Variants in DCAF10 observed in about 807,000 individuals in gnomAD.
The protein encoded by DCAF10 is DDB1- and CUL4-associated factor 10.
A neutral mutation model predicts 51.9 loss-of-function variants in DCAF10; 19 were observed. The ratio of observed to expected loss-of-function variants is 0.37; its 90% confidence interval spans 0.26 to 0.54. The LOEUF (loss-of-function observed/expected upper bound fraction) is 0.54. Ranked by LOEUF, DCAF10 falls within the 20% of genes least tolerant of loss-of-function variation. The pLI is 0.87. For missense variants in DCAF10, 510 were observed against 730.6 expected, an observed-to-expected ratio of 0.70 and a Z score of 3.48; for synonymous variants, 291 against 297.1, an observed-to-expected ratio of 0.98 and a Z score of 0.21.
intron 2 of DCAF10, among the ~76,000 whole-genome samples, chr9:37,836,614 G>C (rs1830172623): frequency 6.8e-6 from 1 of 146,482 alleles, no homozygotes; most frequent in Non-Finnish European, 1.5e-5. Context: ...TTTCAGTTCT[G>C]ATTTCAACAA....
chr9:37,814,109 TATATATATATATATATATTTG>T (rs1218076743), intron 1 of DCAF10, among the ~76,000 whole-genome samples: 6 of 111,954 alleles, frequency 5.4e-5, no homozygotes, highest in Admixed American at 1.8e-4. Context: ...TATATATATA[TATATATATATATATATATTTG>T]TTGTTGTTGT....
chr9:37,814,517 T>G (rs1829471299), intron 1 of DCAF10, among the ~76,000 whole-genome samples: 1 of 150,952 alleles, frequency 6.6e-6, no homozygotes, highest in Non-Finnish European at 1.5e-5. Context: ...TGGGCTCAAG[T>G]GATCCTCCTG....
Position 37,863,523 on chromosome 9 carries a change from A to AAGTT in DCAF10, c.*2019_*2022dup, listed in dbSNP as rs1407211083. 2 of 152,074 alleles carry AAGTT rather than the reference A, an allele frequency of 1.3e-5. No homozygotes were observed. Among genetic ancestry groups the AAGTT allele is most frequent in the African/African-American group, 4.8e-5 (2 of 41,400 alleles). 9.4% of individuals were successfully genotyped at this position (152,074 alleles called of 1,614,324 possible). A position where few individuals can be genotyped will look rare whatever the true frequency, so the allele number is the denominator to read the frequency against. ...ATGACTTGCCTAAGGTCATCCTGCA[A>AAGTT]AGTTAGTGGCAGAGTTAGGACTTGA... On this transcript the variant is annotated 3_prime_UTR_variant, in exon 7 of 7. Coordinates refer to ENST00000377724, the MANE Select transcript of DCAF10 (RefSeq NM_024345.5).
chr9:37,832,706 TAA>T (rs1221602446), intron 2 of DCAF10, among the ~76,000 whole-genome samples: 1 of 152,088 alleles, frequency 6.6e-6, no homozygotes, highest in Non-Finnish European at 1.5e-5. Context: ...ATCATAGAAT[TAA>T]GAGTAGTGAT....
chr9:37,841,267 G>A (rs1307058357), intron 2 of DCAF10, among the ~76,000 whole-genome samples: 2 of 152,176 alleles, frequency 1.3e-5, no homozygotes, highest in African/African-American at 4.8e-5. Flanking sequence ...TATTGAGGTT[G>A]ATTTCTGACA....
In DCAF10 at chr9:37,861,027, T is replaced by C. The variant is rs563583704; in HGVS notation, c.1312-113T>C. 614 of 1,419,714 alleles carry C rather than the reference T, an allele frequency of 4.3e-4. No individual in the cohort carries two copies. The highest frequency in any genetic ancestry group is 5.4e-4 in the Non-Finnish European group (578 of 1,062,880). 87.9% of individuals were successfully genotyped at this position (1,419,714 alleles called of 1,614,324 possible). ...GGGGATAGCATTATTCTGAGTGATT[T>C]CTTGTAAAAATTCTGTGGCTTTGGC... On this transcript the variant is annotated intron_variant, in intron 6 of 6. Transcript: ENST00000377724. This position sits in a 1 kb window ranked among gnomAD's most constrained non-coding sequence, Gnocchi z 4.9.
At chr9:37,837,801 A>C (rs1319730182) in intron 2 of DCAF10, among the ~76,000 whole-genome samples, 5 of 151,498 alleles carry the variant, frequency 3.3e-5, no homozygotes, top group Non-Finnish European at 5.9e-5. Context: ...TTTTCCTGAC[A>C]TGCTATCAGG....
chr9:37,856,183 A>T (rs142149010), intron 4 of DCAF10, among the ~76,000 whole-genome samples: 249 of 152,270 alleles, frequency 1.6e-3, no homozygotes, highest in African/African-American at 5.8e-3. Context: ...AAAAGGTTGG[A>T]ATCTTTCTCC....
In DCAF10 at chr9:37,850,881, T is replaced by TATATATAA. The variant is rs1554689977; in HGVS notation, c.852-3898_852-3897insTATATAAA. On this transcript the variant is annotated intron_variant, in intron 3 of 6. Transcript: ENST00000377724. ...ATATATATATATATATATATATATA[T>TATATATAA]AAATTAGCTTGATTTAGCCATTCCA... 2.7e-4 allele frequency among the ~76,000 whole-genome samples: 28 copies of TATATATAA among 103,942 alleles called. 1 individual carries two copies. Among genetic ancestry groups the TATATATAA allele is most frequent in the Admixed American group, 1.2e-3 (11 of 9,148 alleles). The allele number at this position is 103,942 out of a possible 152,430, so 68.2% of individuals were successfully genotyped here.
At chr9:37,822,900 C>T (rs757863743) in intron 2 of DCAF10, among the ~76,000 whole-genome samples, 2 of 152,092 alleles carry the variant, frequency 1.3e-5, no homozygotes, top group African/African-American at 2.4e-5. Flanking sequence ...CCCAGGAGTT[C>T]AAGGCAGCAG....
intron 2 of DCAF10, among the ~76,000 whole-genome samples, chr9:37,827,195 C>T (rs918233450): frequency 4.6e-5 from 7 of 151,878 alleles, no homozygotes; most frequent in African/African-American, 1.5e-4. Context: ...AAAATCCTTG[C>T]GTAAATGGGT....
In DCAF10 at chr9:37,848,352, G is replaced by A. The variant is rs562850061; in HGVS notation, c.851+6066G>A. On this transcript the variant is annotated intron_variant, in intron 3 of 6. Transcript: ENST00000377724. The stretch of plus-strand genomic sequence containing the variant: ...CAAGTGGTAAATAGATAAACAAAAT[G>A]TGGTGGATGTATGCAACAGAATTCT... 3.1e-4 allele frequency among the ~76,000 whole-genome samples: 47 copies of A among 152,300 alleles called. No individual in the cohort carries two copies. The South Asian group carries it at 6.6e-3, about 21-fold the overall frequency.
At position 37,801,058 on chromosome 9, in the gene DCAF10, G is replaced by T; in HGVS notation, c.192G>T (p.Pro64=). 2 of 1,533,254 alleles carry T rather than the reference G, an allele frequency of 1.3e-6. No individual in the cohort carries two copies. The highest frequency in any genetic ancestry group is 2.6e-5 in the East Asian group (1 of 39,116). 95.0% of individuals were successfully genotyped at this position (1,533,254 alleles called of 1,614,324 possible). A position where few individuals can be genotyped will look rare whatever the true frequency, so the allele number is the denominator to read the frequency against. Residue 64 remains proline (P), a synonymous_variant, in exon 1 of 7, where the codon CCG becomes CCT. Coordinates refer to ENST00000377724, the MANE Select transcript of DCAF10 (RefSeq NM_024345.5). This position sits in a 1 kb window ranked among gnomAD's most constrained non-coding sequence, Gnocchi z 5.5. ...GCCCCGGCGCCCCATCGCTGTCCCC[G>T]GCCCCGCGCTCCGGAGAGCTAGGGC... ...PRRPGAPSLS[P]APRSGELGLP...
At chr9:37,856,836 T>G (rs551061889) in intron 4 of DCAF10, among the ~76,000 whole-genome samples, 2 of 152,332 alleles carry the variant, frequency 1.3e-5, no homozygotes, top group South Asian at 2.1e-4. Flanking sequence ...TGGAAGTTTT[T>G]GGTATACTTT....
chr9:37,811,907 C>A (rs1829358534), intron 1 of DCAF10, among the ~76,000 whole-genome samples: 3 of 152,156 alleles, frequency 2.0e-5, no homozygotes, highest in Middle Eastern at 3.4e-3. Flanking sequence ...AAAAAGCAGG[C>A]CAGGCATGGT....
chr9:37,803,149 C>G (rs1267176199), intron 1 of DCAF10, among the ~76,000 whole-genome samples: 2 of 152,096 alleles, frequency 1.3e-5, no homozygotes, highest in Non-Finnish European at 2.9e-5. Flanking sequence ...TTAAATTACA[C>G]AATTAACATA....
chr9:37,861,576 G>C lies in DCAF10; in HGVS notation c.*68G>C. On this transcript the variant is annotated 3_prime_UTR_variant, in exon 7 of 7. Transcript: ENST00000377724. The surrounding 1 kb of genome is among the most constrained non-coding windows in gnomAD (Gnocchi z 4.9). ...TAGGAATTGCTTCAATTTAGATGAA[G>C]TATTTTCTTTTTAGAAGATCTTATA... 6.5e-7 allele frequency: 1 copy of C among 1,529,730 alleles called. No individual in the cohort carries two copies. The highest frequency in any genetic ancestry group is 1.3e-5 in the South Asian group (1 of 76,508). 94.8% of individuals were successfully genotyped at this position (1,529,730 alleles called of 1,614,324 possible).
chr9:37,807,424 A>T (rs578050197), intron 1 of DCAF10, among the ~76,000 whole-genome samples: 1 of 152,152 alleles, frequency 6.6e-6, no homozygotes, highest in Admixed American at 6.5e-5. Context: ...CTAGTTTCCT[A>T]TGTCAATTCA....
At chr9:37,832,588 T>C (rs894214794) in intron 2 of DCAF10, among the ~76,000 whole-genome samples, 1 of 152,220 alleles carries the variant, frequency 6.6e-6, no homozygotes, top group Non-Finnish European at 1.5e-5. Flanking sequence ...GCTGTGTCAG[T>C]GGGAACACGA....
Sources: gnomAD v4.1 joint callset for allele counts (sites outside exome capture counted in the v4.1 genomes callset) on GRCh38, gnomAD v4.1.1 for gene constraint, Gnocchi (gnomAD v3.1) non-coding constraint, MANE v1.5 for transcripts, NCBI Gene and HGNC (gene_info 2026-07-23, HGNC 2026-07-21) for gene names.